SPATA7: variants seen among roughly 807,000 people sequenced by gnomAD.
The protein encoded by SPATA7 is spermatogenesis associated 7, also known as spermatogenesis-associated protein 7.
Under a neutral mutation model 51.8 loss-of-function variants are expected in SPATA7, and 43 were observed. The observed-to-expected ratio is 0.83, with a 90% confidence interval of 0.65 to 1.07. The LOEUF (loss-of-function observed/expected upper bound fraction) is 1.07. SPATA7 is among the 50% of genes least tolerant of loss of function. The probability of loss-of-function intolerance (pLI) is 0.00; values close to 1 mark genes in which losing one functional copy is unlikely to be tolerated. For missense variants in SPATA7, 683 were observed against 701.3 expected (o/e 0.97, Z 0.30); for synonymous variants, 230 against 252.8 (o/e 0.91, Z 0.86).
At chr14:88,411,341 G>A (rs893036048) in intron 4 of SPATA7, among the ~76,000 whole-genome samples, 2 of 152,220 alleles carry the variant, frequency 1.3e-5, no homozygotes, top group African/African-American at 2.4e-5. Flanking sequence ...TAGACCATTC[G>A]CCTCCCTGGC....
downstream of SPATA7, among the ~76,000 whole-genome samples, chr14:88,440,814 C>CT (rs796854586): frequency 2.1e-3 from 308 of 148,832 alleles, 2 homozygotes; most frequent in African/African-American, 5.2e-3. Context: ...GCTGCTGCTA[C>CT]TTTTTTTTTT....
At chr14:88,422,736 G>A (rs2076681366) in intron 5 of SPATA7, among the ~76,000 whole-genome samples, 1 of 151,402 alleles carries the variant, frequency 6.6e-6, no homozygotes, top group African/African-American at 2.4e-5. Flanking sequence ...TATTTTATCT[G>A]TATTTTTATT....
chr14:88,470,083 G>C, exon 5 of SPATA7: 1 of 1,603,150 alleles, frequency 6.2e-7, no homozygotes, highest in Non-Finnish European at 8.5e-7. Context: ...AAATTGATGT[G>C]TGGGTATAAT....
chr14:88,402,959 C>CAAAAAAAAAAA (rs56330042), intron 4 of SPATA7, among the ~76,000 whole-genome samples: 15 of 61,996 alleles, frequency 2.4e-4, no homozygotes, highest in South Asian at 9.1e-4. Flanking sequence ...AACTCAATAG[C>CAAAAAAAAAAA]AAAAAAAAAA....
intron 4 of SPATA7, chr14:88,406,555 A>T: frequency 6.6e-6 from 1 of 152,060 alleles, no homozygotes; most frequent in East Asian, 1.9e-4. Flanking sequence ...CCACAATTGC[A>T]TTTGTATACA....
At chr14:88,462,206 T>C (rs1373220354) in intron 4 of SPATA7, among the ~76,000 whole-genome samples, 1 of 152,232 alleles carries the variant, frequency 6.6e-6, no homozygotes, top group African/African-American at 2.4e-5. Context: ...ATTTGGACCG[T>C]CTCAGCATAT....
chr14:88,442,657 T>A (rs1413234618), downstream of SPATA7, among the ~76,000 whole-genome samples: 1 of 152,162 alleles, frequency 6.6e-6, no homozygotes, highest in Non-Finnish European at 1.5e-5. Context: ...TCGTGATGGA[T>A]TATCTTTTTG....
intron 4 of SPATA7, among the ~76,000 whole-genome samples, chr14:88,414,228 C>T (rs200559470): frequency 6.6e-6 from 1 of 151,776 alleles, no homozygotes; most frequent in African/African-American, 2.4e-5. Flanking sequence ...ATTACTGGTT[C>T]GATTTTGGAA....
chr14:88,389,143 G>C (rs73319860), intron 1 of SPATA7, among the ~76,000 whole-genome samples: 5,341 of 150,912 alleles, frequency 0.035, 303 homozygotes, highest in African/African-American at 0.12. Flanking sequence ...GGACACAAAG[G>C]AGGAACCAGA....
chr14:88,425,752 G>A (rs2076771555), intron 5 of SPATA7, among the ~76,000 whole-genome samples: 1 of 151,770 alleles, frequency 6.6e-6, no homozygotes, highest in Non-Finnish European at 1.5e-5. Flanking sequence ...CCTAAATCAG[G>A]GCTCCATACA....
At chr14:88,462,726 T>G (rs1343678812) in intron 4 of SPATA7, among the ~76,000 whole-genome samples, 1 of 152,212 alleles carries the variant, frequency 6.6e-6, no homozygotes, top group Non-Finnish European at 1.5e-5. Context: ...GTGCGTTTAT[T>G]TGACACACCA....
chr14:88,439,801 A>G (rs565326854), downstream of SPATA7, among the ~76,000 whole-genome samples: 1 of 152,112 alleles, frequency 6.6e-6, no homozygotes, highest in Non-Finnish European at 1.5e-5. Flanking sequence ...AAAGCACAAT[A>G]TGGTGGGACT....
intron 5 of SPATA7, among the ~76,000 whole-genome samples, chr14:88,418,699 C>T (rs1225067711): frequency 1.3e-5 from 2 of 152,190 alleles, no homozygotes; most frequent in Non-Finnish European, 1.5e-5. Flanking sequence ...GTCTCTAACT[C>T]CTGACCTCAA....
At chr14:88,445,874 T>C (rs1439190746) in intron 3 of SPATA7, among the ~76,000 whole-genome samples, 1 of 152,216 alleles carries the variant, frequency 6.6e-6, no homozygotes, top group African/African-American at 2.4e-5. Flanking sequence ...GATGTGCTGC[T>C]GGATTCGGTT....
Position 88,411,988 on chromosome 14 carries a change from C to G in SPATA7, c.239-4723C>G, listed in dbSNP as rs747046152. Among the ~76,000 whole-genome samples the G allele has an allele frequency of 7.9e-5, 12 of 152,130 alleles. No homozygotes were observed. In the South Asian group the frequency reaches 2.1e-3, roughly 26 times the overall value. On this transcript the variant is annotated intron_variant, in intron 4 of 11. Coordinates refer to ENST00000393545, the MANE Select transcript of SPATA7 (RefSeq NM_018418.5). ...GTGGCTGAACTCACATTCCCAAGAA[C>G]AGTGTGTAATTCCTTTTTCCCCGCA...
At chr14:88,418,854 T>A (rs944814957) in intron 5 of SPATA7, among the ~76,000 whole-genome samples, 28 of 152,226 alleles carry the variant, frequency 1.8e-4, no homozygotes, top group Non-Finnish European at 3.4e-4. Flanking sequence ...GCTTTTTCCT[T>A]AGTATCTGTT....
At chr14:88,390,023 A>G (rs1461822128) in intron 1 of SPATA7, among the ~76,000 whole-genome samples, 1 of 152,244 alleles carries the variant, frequency 6.6e-6, no homozygotes, top group Non-Finnish European at 1.5e-5. Flanking sequence ...GCTTGGGTTC[A>G]GATCCCAAAT....
At chr14:88,432,073 T>C (rs2076957734) in intron 9 of SPATA7, among the ~76,000 whole-genome samples, 1 of 152,154 alleles carries the variant, frequency 6.6e-6, no homozygotes. Context: ...TTCTTACTTA[T>C]TTTTTAAGTA....
intron 4 of SPATA7, among the ~76,000 whole-genome samples, chr14:88,408,437 G>T (rs1476195067): frequency 6.6e-6 from 1 of 152,184 alleles, no homozygotes; most frequent in Admixed American, 6.5e-5. Context: ...AAATGCTTGT[G>T]ATTTTTTGCA....
Sources: gnomAD v4.1 joint callset for allele counts (sites outside exome capture counted in the v4.1 genomes callset) on GRCh38, gnomAD v4.1.1 for gene constraint, MANE v1.5 for transcripts, NCBI Gene and HGNC (gene_info 2026-07-23, HGNC 2026-07-21) for gene names.